XIRP2: variants seen among roughly 807,000 people sequenced by gnomAD.
XIRP2 encodes the protein xin actin binding repeat containing 2.
A neutral mutation model predicts 277.0 loss-of-function variants in XIRP2; 236 were observed. The ratio of observed to expected loss-of-function variants is 0.85; its 90% CI spans 0.77 to 0.95. The LOEUF is 0.95. Ranked by LOEUF, XIRP2 falls within the 40% of genes least tolerant of loss-of-function variation. The pLI, the probability that XIRP2 is intolerant of heterozygous loss-of-function variation, is 0.00. For synonymous variants in XIRP2, 1,490 were observed against 1,416.5 expected (o/e 1.05, Z -1.17); for missense variants, 4,640 against 4,157.5 (o/e 1.12, Z -3.19).
rs570080438 is a variant in XIRP2 at position 166,979,824 on chromosome 2, A to G, written c.408+75934A>G. On this transcript the variant is annotated intron_variant, in intron 2 of 10. Transcript: ENST00000409195. Reference sequence around the variant, plus strand: ...ATTTTCACAACTATGTTTTCAAAGCATATTGGCAAATGGTTTTCCTGCATC... The same window carrying G: ...ATTTTCACAACTATGTTTTCAAAGCGTATTGGCAAATGGTTTTCCTGCATC... Among the ~76,000 whole-genome samples, 17 of 152,280 alleles carry G rather than the reference A, an allele frequency of 1.1e-4. No individual in the cohort carries two copies. In the East Asian group the frequency reaches 3.3e-3, roughly 29 times the overall value.
intron 2 of XIRP2, among the ~76,000 whole-genome samples, chr2:166,941,736 AT>A (rs745653680): frequency 1.3e-5 from 2 of 152,250 alleles, no homozygotes; most frequent in African/African-American, 2.4e-5. Flanking sequence ...ACTATAAAAT[AT>A]TTGAAAAAGA....
At chr2:167,122,613 C>T (rs931881762) in intron 2 of XIRP2, among the ~76,000 whole-genome samples, 9 of 152,184 alleles carry the variant, frequency 5.9e-5, no homozygotes, top group Admixed American at 5.2e-4. Flanking sequence ...GAAGCTGATT[C>T]TTCCTTCTGA....
At chr2:167,067,515 T>A (rs1479157719) in intron 2 of XIRP2, among the ~76,000 whole-genome samples, 1 of 152,214 alleles carries the variant, frequency 6.6e-6, no homozygotes, top group Non-Finnish European at 1.5e-5. Context: ...ATAAAGTGAA[T>A]GTTGCAAGTC....
chr2:167,055,224 G>T (rs907579057), intron 2 of XIRP2, among the ~76,000 whole-genome samples: 1 of 152,124 alleles, frequency 6.6e-6, no homozygotes. Context: ...AAGAAAAAAG[G>T]CTCTGTGTCC....
At chr2:167,205,051 C>T (rs1693817728) in intron 3 of XIRP2, among the ~76,000 whole-genome samples, 1 of 152,138 alleles carries the variant, frequency 6.6e-6, no homozygotes, top group African/African-American at 2.4e-5. Flanking sequence ...CTGCATCTTT[C>T]TCTCTAGCAC....
intron 2 of XIRP2, among the ~76,000 whole-genome samples, chr2:166,904,197 A>C (rs763195772): frequency 1.3e-4 from 20 of 152,108 alleles, no homozygotes; most frequent in Non-Finnish European, 2.2e-4. Context: ...GGCAGGAACA[A>C]TTTCTAACCA....
chr2:167,119,126 AGCAAGT>A lies in XIRP2; in HGVS notation c.409-16781_409-16776del, dbSNP rs1690978686. Among the ~76,000 whole-genome samples, 7 of 152,330 alleles carry A rather than the reference AGCAAGT, an allele frequency of 4.6e-5. No individual in the cohort carries two copies. In the South Asian group the frequency reaches 1.5e-3, roughly 32 times the overall value. The stretch of plus-strand genomic sequence containing the variant: ...AAAAGTGGATTGGGATGGGTTGAAG[AGCAAGT>A]GAGAAGTAATGAAGTGGAGACAGTG... On this transcript the variant is annotated intron_variant, in intron 2 of 10. Coordinates refer to ENST00000409195, the MANE Select transcript of XIRP2 (RefSeq NM_152381.6).
At chr2:166,923,135 T>G (rs2105359778) in intron 2 of XIRP2, among the ~76,000 whole-genome samples, 1 of 152,172 alleles carries the variant, frequency 6.6e-6, no homozygotes, top group South Asian at 2.1e-4. Context: ...TGATAATAAC[T>G]TAGGAGTGGT....
At chr2:167,189,806 A>G (rs1175101931) in intron 3 of XIRP2, among the ~76,000 whole-genome samples, 1 of 152,144 alleles carries the variant, frequency 6.6e-6, no homozygotes. Context: ...AGTTCAATTC[A>G]GTTCGGACAC....
At chr2:167,089,943 T>A (rs1415352297) in intron 2 of XIRP2, among the ~76,000 whole-genome samples, 1 of 152,150 alleles carries the variant, frequency 6.6e-6, no homozygotes, top group Non-Finnish European at 1.5e-5. Flanking sequence ...ATTGCAGACA[T>A]CTGGCATAGA....
intron 2 of XIRP2, among the ~76,000 whole-genome samples, chr2:167,006,668 A>T (rs906568869): frequency 2.0e-5 from 3 of 151,750 alleles, no homozygotes; most frequent in African/African-American, 7.2e-5. Flanking sequence ...GGAGCAAAGT[A>T]GACCAAGCAT....
chr2:167,179,390 G>A (rs1388208936), intron 3 of XIRP2, among the ~76,000 whole-genome samples: 8 of 139,144 alleles, frequency 5.7e-5, no homozygotes, highest in Admixed American at 3.0e-4. Flanking sequence ...GCGCCATCTC[G>A]GCTCACTGCA....
At chr2:167,187,589 A>C in intron 3 of XIRP2, 6 of 971,498 alleles carry the variant, frequency 6.2e-6, no homozygotes, top group East Asian at 1.1e-4. Context: ...AAATGTTCTC[A>C]CTGGTTACTT....
intron 1 of XIRP2, among the ~76,000 whole-genome samples, chr2:166,899,864 T>C (rs1323700915): frequency 6.6e-6 from 1 of 152,108 alleles, no homozygotes; most frequent in African/African-American, 2.4e-5. Flanking sequence ...TGCAGCACAG[T>C]GCATTACCGT....
intron 2 of XIRP2, among the ~76,000 whole-genome samples, chr2:167,121,973 T>C (rs1187726934): frequency 2.6e-5 from 4 of 152,190 alleles, no homozygotes; most frequent in Non-Finnish European, 5.9e-5. Context: ...AGCAGCATGT[T>C]GTATTTTTTG....
At chr2:167,191,393 C>T (rs1693329494) in intron 3 of XIRP2, among the ~76,000 whole-genome samples, 1 of 152,044 alleles carries the variant, frequency 6.6e-6, no homozygotes, top group South Asian at 2.1e-4. Context: ...TGTTTCTGTA[C>T]TTCATGTCAT....
chr2:166,976,477 T>A (rs1056480893), intron 2 of XIRP2, among the ~76,000 whole-genome samples: 4 of 152,214 alleles, frequency 2.6e-5, no homozygotes, highest in African/African-American at 9.6e-5. Flanking sequence ...GTTGTTCTTT[T>A]TAATGTTTCT....
intron 2 of XIRP2, among the ~76,000 whole-genome samples, chr2:166,967,023 T>C (rs2105415000): frequency 6.6e-6 from 1 of 152,058 alleles, no homozygotes; most frequent in Admixed American, 6.6e-5. Flanking sequence ...CTGCATCTAG[T>C]CTGTGTATTA....
intron 2 of XIRP2, among the ~76,000 whole-genome samples, chr2:167,004,946 A>G (rs1454216460): frequency 6.6e-6 from 1 of 151,900 alleles, no homozygotes; most frequent in Non-Finnish European, 1.5e-5. Context: ...GCAATGTAAC[A>G]GTATGTTTCA....
Sources: gnomAD v4.1 joint callset for allele counts (sites outside exome capture counted in the v4.1 genomes callset) on GRCh38, gnomAD v4.1.1 for gene constraint, MANE v1.5 for transcripts, NCBI Gene and HGNC (gene_info 2026-07-23, HGNC 2026-07-21) for gene names.